The following SLC25A25 variants were observed in gnomAD, a reference collection of about 807,000 sequenced individuals.
SLC25A25 encodes mitochondrial adenyl nucleotide antiporter SLC25A25.
SLC25A25 carries 32 observed loss-of-function variants against 57.7 expected under a neutral mutation model. That is an observed-to-expected ratio of 0.55 (90% CI 0.42 to 0.74). The LOEUF (loss-of-function observed/expected upper bound fraction) is 0.74. Among genes scored for constraint, SLC25A25 ranks in the 30% least tolerant of loss-of-function variants. The probability of loss-of-function intolerance (pLI) is 0.00; values close to 1 mark genes in which losing one functional copy is unlikely to be tolerated. For missense variants in SLC25A25, 556 were observed against 701.3 expected (o/e 0.79, Z 2.34); for synonymous variants, 306 against 291.2 (o/e 1.05, Z -0.52).
chr9:128,105,975 G>A (rs1226819998), intron 7 of SLC25A25, 94 bp downstream of exon 7: 6 of 1,562,206 alleles, frequency 3.8e-6, no homozygotes, highest in South Asian at 3.6e-5. Context: ...CTGACACTTG[G>A]AGCCAGCCGT....
rs71381724 is a variant in SLC25A25, at chr9:128,070,084, A to ATTT, written c.261+1528_261+1530dup. Reference sequence around the variant, plus strand: ...AGGCATGTGCCACCACACCCAGCTAATTTTTTTTTTTTTTTTTTTTTTTTT... The same window carrying ATTT: ...AGGCATGTGCCACCACACCCAGCTAATTTTTTTTTTTTTTTTTTTTTTTTTTTT... On this transcript the variant is annotated intron_variant, in intron 1 of 10. Transcript: ENST00000373069. 4.1e-3 allele frequency among the ~76,000 whole-genome samples: 26 copies of ATTT among 6,366 alleles called. 11 individuals are homozygous for ATTT. The highest frequency in any genetic ancestry group is 0.018 in the South Asian group (2 of 112). The allele number at this position is 6,366 out of a possible 152,430, so 4.2% of individuals were successfully genotyped here. A position where few individuals can be genotyped will look rare whatever the true frequency, so the allele number is the denominator to read the frequency against.
At chr9:128,078,595 C>T (rs1324726873) in intron 1 of SLC25A25, among the ~76,000 whole-genome samples, 1 of 152,196 alleles carries the variant, frequency 6.6e-6, no homozygotes, top group East Asian at 1.9e-4. Context: ...TGGACAGAAA[C>T]CGGACCTCCT....
At chr9:128,098,420 T>A in intron 1 of SLC25A25, 2 of 1,383,644 alleles carry the variant, frequency 1.4e-6, no homozygotes, top group Non-Finnish European at 1.9e-6. Context: ...GGCTTTTTTC[T>A]TTTTTCAATT....
chr9:128,074,052 G>A (rs545195140), intron 1 of SLC25A25, among the ~76,000 whole-genome samples: 1 of 139,610 alleles, frequency 7.2e-6, no homozygotes, highest in African/African-American at 2.7e-5. Context: ...ATTTTTTTGT[G>A]TGTGTGTGAC....
intron 1 of SLC25A25, chr9:128,098,709 A>C (rs1588777564): frequency 6.2e-7 from 1 of 1,614,006 alleles, no homozygotes; most frequent in Non-Finnish European, 8.5e-7. Context: ...TTCTCCACCT[A>C]CCGCCAGTGG....
intron 1 of SLC25A25, among the ~76,000 whole-genome samples, chr9:128,084,649 C>T (rs976357157): frequency 6.6e-6 from 1 of 152,110 alleles, no homozygotes; most frequent in Non-Finnish European, 1.5e-5. Context: ...AACTTCTGTC[C>T]CCCTAAAATG....
Position 128,068,595 on chromosome 9 carries a change from T to C in SLC25A25, c.261+15T>C. On this transcript the variant is annotated intron_variant, in intron 1 of 10. Coordinates refer to ENST00000373069, the MANE Select transcript of SLC25A25 (RefSeq NM_001330988.2). ...GCGAGCTCCAGGTAGGCTGCGCGCG[T>C]CCTCAGCACTGGCGGGGAGGGAGCC... The C allele has an allele frequency of 7.1e-7, 1 of 1,404,742 alleles. No individual in the cohort carries two copies. Among genetic ancestry groups the C allele is most frequent in the African/African-American group, 1.5e-5 (1 of 66,844 alleles). The allele number at this position is 1,404,742 out of a possible 1,614,324, so 87.0% of individuals were successfully genotyped here.
intron 1 of SLC25A25, among the ~76,000 whole-genome samples, chr9:128,075,233 G>A (rs1832984988): frequency 6.6e-6 from 1 of 152,118 alleles, no homozygotes. Context: ...CTTGAGTCTG[G>A]GAGGCTGAGG....
rs906050279 is a variant in SLC25A25 at position 128,095,651 on chromosome 9, CT to C, written c.262-5441del. ...TCACAGCAGCAAATAAGTTAGAACC[CT>C]TTTAAAAATTAGCTGGGTGTGCTCG... On this transcript the variant is annotated intron_variant, in intron 1 of 10. Transcript: ENST00000373069. This position sits in a 1 kb window ranked among gnomAD's most constrained non-coding sequence, Gnocchi z 4.4. Among the ~76,000 whole-genome samples, 1 of 152,096 alleles carries C rather than the reference CT, an allele frequency of 6.6e-6. No individual in the cohort carries two copies. The highest frequency in any genetic ancestry group is 2.4e-5 in the African/African-American group (1 of 41,408).
In SLC25A25 at chr9:128,108,829, G is replaced by A. The variant is rs1834156021; in HGVS notation, c.*1385G>A. On this transcript the variant is annotated 3_prime_UTR_variant, in exon 11 of 11. Transcript: ENST00000373069. The stretch of plus-strand genomic sequence containing the variant: ...AGCCTTAGGATTTCAGGGTTTGACT[G>A]GGGGCGTGGAGAGAGAGGGAGGAAC... 1 of 152,224 alleles carries A rather than the reference G, an allele frequency of 6.6e-6. No homozygotes were observed. The highest frequency in any genetic ancestry group is 2.4e-5 in the African/African-American group (1 of 41,450). The allele number at this position is 152,224 out of a possible 1,614,324, so 9.4% of individuals were successfully genotyped here. A position where few individuals can be genotyped will look rare whatever the true frequency, so the allele number is the denominator to read the frequency against.
Position 128,101,538 on chromosome 9 carries a change from G to C in SLC25A25, c.476+142G>C, listed in dbSNP as rs1478068011. The C allele has an allele frequency of 6.9e-6, 6 of 867,176 alleles. No homozygotes were observed. The highest frequency in any genetic ancestry group is 8.8e-6 in the Non-Finnish European group (5 of 565,434). 53.7% of individuals were successfully genotyped at this position (867,176 alleles called of 1,614,324 possible). Reference sequence around the variant, plus strand: ...AAAGGATGAATAAGTAACCCCTGTGGGAGGCCAGCCCCTCCCCAGGGTTGC... The same window carrying C: ...AAAGGATGAATAAGTAACCCCTGTGCGAGGCCAGCCCCTCCCCAGGGTTGC... On this transcript the variant is annotated intron_variant, in intron 3 of 10. Coordinates refer to ENST00000373069, the MANE Select transcript of SLC25A25 (RefSeq NM_001330988.2). The surrounding 1 kb of genome is among the most constrained non-coding windows in gnomAD (Gnocchi z 4.9).
intron 1 of SLC25A25, among the ~76,000 whole-genome samples, chr9:128,070,950 C>CAAAAAAAAAAAAAAA (rs531221205): frequency 1.7e-5 from 1 of 57,456 alleles, no homozygotes; most frequent in Non-Finnish European, 3.9e-5. Flanking sequence ...AACTCCATCT[C>CAAAAAAAAAAAAAAA]AAAAAAAAAA....
At chr9:128,106,086 A>T (rs1192881481) in intron 7 of SLC25A25, 64 bp from the exon 8 acceptor site, 1 of 1,586,804 alleles carries the variant, frequency 6.3e-7, no homozygotes, top group Admixed American at 1.7e-5. Flanking sequence ...CCTGGAAGGG[A>T]GGGGCAGCAG....
At position 128,068,494 on chromosome 9, in the gene SLC25A25, G is replaced by T; in HGVS notation, c.175G>T (p.Val59Phe). ...RLWRLFQTLDVNRDGGLCVND... is the reference protein window; with the variant it reads ...RLWRLFQTLDFNRDGGLCVND... ...GTGGAGACTCTTTCAGACGCTCGAC[G>T]TCAACCGGGACGGCGGCCTGTGTGT... Residue 59 changes from valine to phenylalanine, a missense_variant, in exon 1 of 11, where the codon GTC (valine) becomes TTC (phenylalanine). This residue lies in a region of SLC25A25 where 248 missense variants were observed against 273.5 expected (regional missense o/e 0.91). Coordinates refer to ENST00000373069, the MANE Select transcript of SLC25A25 (RefSeq NM_001330988.2). The T allele has an allele frequency of 2.6e-6, 4 of 1,512,232 alleles. No homozygotes were observed. Among genetic ancestry groups the T allele is most frequent in the Non-Finnish European group, 3.5e-6 (4 of 1,135,948 alleles). The allele number at this position is 1,512,232 out of a possible 1,614,324, so 93.7% of individuals were successfully genotyped here.
chr9:128,101,255 A>G lies in SLC25A25; in HGVS notation c.388+33A>G, dbSNP rs1833781951. 1 of 1,614,252 alleles carries G rather than the reference A, an allele frequency of 6.2e-7. No individual in the cohort carries two copies. Among genetic ancestry groups the G allele is most frequent in the Non-Finnish European group, 8.5e-7 (1 of 1,180,040 alleles). ...TTGCCTTCAGAGCTGTGGCCGGTCCAGCCTCGGGCCTCCCCGTGCGCCTGG... is the reference window on the plus strand; with the variant it reads ...TTGCCTTCAGAGCTGTGGCCGGTCCGGCCTCGGGCCTCCCCGTGCGCCTGG... On this transcript the variant is annotated intron_variant, in intron 2 of 10. Transcript: ENST00000373069. The surrounding 1 kb of genome is among the most constrained non-coding windows in gnomAD (Gnocchi z 4.9).
Position 128,107,538 on chromosome 9 carries a change from C to T in SLC25A25, c.*94C>T, listed in dbSNP as rs951398098. The T allele has an allele frequency of 1.9e-5, 27 of 1,409,560 alleles. No homozygotes were observed. In the African/African-American group the frequency reaches 3.4e-4, roughly 18 times the overall value. 87.3% of individuals were successfully genotyped at this position (1,409,560 alleles called of 1,614,324 possible). A position where few individuals can be genotyped will look rare whatever the true frequency, so the allele number is the denominator to read the frequency against. Reference sequence around the variant, plus strand: ...ATTCTGTGAATGTGCCAACACTAAGCTGTCTCGAGCCAAGCTGTGAAAACC... The same window carrying T: ...ATTCTGTGAATGTGCCAACACTAAGTTGTCTCGAGCCAAGCTGTGAAAACC... On this transcript the variant is annotated 3_prime_UTR_variant, in exon 11 of 11. Coordinates refer to ENST00000373069, the MANE Select transcript of SLC25A25 (RefSeq NM_001330988.2).
chr9:128,087,400 T>G (rs1384556376), intron 1 of SLC25A25, among the ~76,000 whole-genome samples: 1 of 152,172 alleles, frequency 6.6e-6, no homozygotes, highest in African/African-American at 2.4e-5. Flanking sequence ...TAGCTGGAAC[T>G]ACAAGCATGA....
In SLC25A25 at chr9:128,101,289, C is replaced by G; in HGVS notation, c.389-20C>G. Reference sequence around the variant, plus strand: ...CCTCCCCGTGCGCCTGGCTCCTGCTCACGGCCTCTGTTCTTGCAGGACGCA... The same window carrying G: ...CCTCCCCGTGCGCCTGGCTCCTGCTGACGGCCTCTGTTCTTGCAGGACGCA... On this transcript the variant is annotated intron_variant, in intron 2 of 10. Coordinates refer to ENST00000373069, the MANE Select transcript of SLC25A25 (RefSeq NM_001330988.2). The surrounding 1 kb of genome is among the most constrained non-coding windows in gnomAD (Gnocchi z 4.9). 6.2e-7 allele frequency: 1 copy of G among 1,614,206 alleles called. No homozygotes were observed. Among genetic ancestry groups the G allele is most frequent in the South Asian group, 1.1e-5 (1 of 91,086 alleles).
Position 128,099,487 on chromosome 9 carries a change from C to T in SLC25A25, c.262-1609C>T, listed in dbSNP as rs1215181662. 11 of 955,224 alleles carry T rather than the reference C, an allele frequency of 1.2e-5. No individual in the cohort carries two copies. The highest frequency in any genetic ancestry group is 3.6e-5 in the African/African-American group (2 of 54,984). The allele number at this position is 955,224 out of a possible 1,614,324, so 59.2% of individuals were successfully genotyped here. A position where few individuals can be genotyped will look rare whatever the true frequency, so the allele number is the denominator to read the frequency against. On this transcript the variant is annotated intron_variant, in intron 1 of 10. Transcript: ENST00000373069. The surrounding 1 kb of genome is among the most constrained non-coding windows in gnomAD (Gnocchi z 6.8). ...CGGCTGGGTCCCAGAGGGCTCCATG[C>T]CTGATGTTCGCCTCCTGCCTAAATG...
Sources: allele counts gnomAD v4.1 joint callset (sites outside exome capture counted in the v4.1 genomes callset), GRCh38; gene constraint gnomAD v4.1.1; regional missense constraint gnomAD v4.1.1; non-coding constraint Gnocchi (gnomAD v3.1); transcripts MANE v1.5; gene names NCBI Gene and HGNC (gene_info 2026-07-23, HGNC 2026-07-21).